The following TM4SF4 variants were observed in gnomAD, a reference collection of about 807,000 sequenced individuals.
The protein encoded by TM4SF4 is transmembrane 4 L six family member 4.
Under a neutral mutation model 24.1 loss-of-function variants are expected in TM4SF4, and 24 were observed. The observed-to-expected ratio is 1.00, with a 90% CI of 0.72 to 1.40. The LOEUF is 1.40. Ranked by LOEUF, TM4SF4 falls within the 40% of genes most tolerant of loss-of-function variation. TM4SF4 has a pLI of 0.00. For missense variants in TM4SF4, 254 were observed against 254.2 expected (o/e 1.00, Z 0.01); for synonymous variants, 113 against 97.0 (o/e 1.17, Z -0.97).
intron 2 of TM4SF4, among the ~76,000 whole-genome samples, chr3:149,481,835 C>T (rs1409255989): frequency 7.2e-5 from 11 of 152,206 alleles, no homozygotes; most frequent in Admixed American, 7.2e-4. Context: ...TTTCTTTAAC[C>T]ATGTGAGCAG....
chr3:149,489,234 C>A (rs1576520176), intron 3 of TM4SF4, among the ~76,000 whole-genome samples: 1 of 152,218 alleles, frequency 6.6e-6, no homozygotes, highest in African/African-American at 2.4e-5. Flanking sequence ...CCCCACAACC[C>A]GCCCCCATTG....
chr3:149,484,027 C>T (rs1340920022), intron 2 of TM4SF4, among the ~76,000 whole-genome samples: 1 of 152,074 alleles, frequency 6.6e-6, no homozygotes, highest in Non-Finnish European at 1.5e-5. Context: ...GTGATATGCC[C>T]ACCTCAGCCT....
intron 2 of TM4SF4, among the ~76,000 whole-genome samples, chr3:149,483,302 T>G (rs1734065908): frequency 6.6e-6 from 1 of 152,144 alleles, no homozygotes; most frequent in Non-Finnish European, 1.5e-5. Flanking sequence ...ACCAGCCATA[T>G]AAACTCTCAG....
At chr3:149,490,165 G>A (rs1043035227) in intron 3 of TM4SF4, among the ~76,000 whole-genome samples, 5 of 152,196 alleles carry the variant, frequency 3.3e-5, no homozygotes, top group African/African-American at 1.2e-4. Flanking sequence ...AGGGCATTCA[G>A]GGGATGGGCC....
chr3:149,502,478 G>A (rs894440246), intron 4 of TM4SF4, among the ~76,000 whole-genome samples, 198 bp from the exon 5 acceptor site: 1 of 152,122 alleles, frequency 6.6e-6, no homozygotes, highest in Non-Finnish European at 1.5e-5. Context: ...ACAAAATGAA[G>A]CTTCCATTCC....
At chr3:149,477,317 A>C (rs1339776345) in intron 2 of TM4SF4, among the ~76,000 whole-genome samples, 1 of 152,244 alleles carries the variant, frequency 6.6e-6, no homozygotes, top group Non-Finnish European at 1.5e-5. Flanking sequence ...TGAGGCAGAA[A>C]TGAAGCATAG....
chr3:149,485,871 C>T (rs1021719542), intron 2 of TM4SF4, among the ~76,000 whole-genome samples: 1 of 152,140 alleles, frequency 6.6e-6, no homozygotes, highest in African/African-American at 2.4e-5. Context: ...GAAATTTGTG[C>T]AATCTAGAGT....
At chr3:149,489,579 A>G (rs1373171411) in intron 3 of TM4SF4, among the ~76,000 whole-genome samples, 10 of 152,340 alleles carry the variant, frequency 6.6e-5, no homozygotes, top group African/African-American at 2.4e-4. Flanking sequence ...GATGGGATCA[A>G]TGCCCAAGAT....
intron 3 of TM4SF4, chr3:149,495,464 TG>T: frequency 2.3e-6 from 1 of 426,686 alleles, no homozygotes; most frequent in South Asian, 2.1e-5. Flanking sequence ...CCCAGCATGG[TG>T]GTCACCTTTG....
Position 149,502,866 on chromosome 3 carries a change from T to C in TM4SF4, c.*173T>C, listed in dbSNP as rs1734453909. The C allele has an allele frequency of 2.1e-6, 1 of 476,408 alleles. No individual in the cohort carries two copies. The highest frequency in any genetic ancestry group is 3.7e-6 in the Non-Finnish European group (1 of 267,598). 29.5% of individuals were successfully genotyped at this position (476,408 alleles called of 1,614,324 possible). On this transcript the variant is annotated 3_prime_UTR_variant, in exon 5 of 5. Transcript: ENST00000305354. ...CTTTGCTCGAGTTAGAATTTTGTTA[T>C]TTTCAAATAAAAAATAGTTTGGCCA...
intron 3 of TM4SF4, chr3:149,495,007 T>A: frequency 9.5e-6 from 2 of 211,380 alleles, no homozygotes; most frequent in South Asian, 1.8e-4. Flanking sequence ...TTGGTGTTGG[T>A]GAATCTGAAG....
chr3:149,485,703 A>T (rs771162714), intron 2 of TM4SF4, among the ~76,000 whole-genome samples: 1 of 152,196 alleles, frequency 6.6e-6, no homozygotes, highest in Non-Finnish European at 1.5e-5. Flanking sequence ...CTGAGGTGGG[A>T]GGATCACTTG....
chr3:149,486,369 T>G (rs941812257), intron 2 of TM4SF4, among the ~76,000 whole-genome samples: 10 of 152,220 alleles, frequency 6.6e-5, no homozygotes, highest in Admixed American at 4.6e-4. Context: ...AGCTGAGATA[T>G]GAGCCTGGGT....
At chr3:149,482,333 G>C (rs1734047411) in intron 2 of TM4SF4, among the ~76,000 whole-genome samples, 1 of 152,246 alleles carries the variant, frequency 6.6e-6, no homozygotes, top group Admixed American at 6.5e-5. Flanking sequence ...TATTCACTTA[G>C]ACCAGGTAGA....
At chr3:149,491,682 T>C (rs987060422) in intron 3 of TM4SF4, among the ~76,000 whole-genome samples, 1 of 152,152 alleles carries the variant, frequency 6.6e-6, no homozygotes, top group Non-Finnish European at 1.5e-5. Flanking sequence ...CCTATCAGCA[T>C]ATGGGTTAGG....
chr3:149,489,726 G>A (rs1391567382), intron 3 of TM4SF4, among the ~76,000 whole-genome samples: 2 of 152,176 alleles, frequency 1.3e-5, no homozygotes, highest in African/African-American at 4.8e-5. Context: ...CATTTATTGT[G>A]TATTGCTCTG....
chr3:149,483,919 T>C (rs1352940110), intron 2 of TM4SF4, among the ~76,000 whole-genome samples: 2 of 152,006 alleles, frequency 1.3e-5, no homozygotes, highest in African/African-American at 4.8e-5. Context: ...TAGCTGGGAC[T>C]ACAGGTGCAC....
At chr3:149,479,243 G>C (rs1244332264) in intron 2 of TM4SF4, among the ~76,000 whole-genome samples, 5 of 152,040 alleles carry the variant, frequency 3.3e-5, no homozygotes, top group Non-Finnish European at 5.9e-5. Context: ...ACTCAGTTAG[G>C]GTCCCTTCCC....
intron 2 of TM4SF4, among the ~76,000 whole-genome samples, chr3:149,477,467 G>T (rs1338242912): frequency 2.6e-5 from 4 of 152,168 alleles, no homozygotes; most frequent in South Asian, 2.1e-4. Flanking sequence ...AAAGGGAAAG[G>T]TGCATCTATC....
Sources: allele counts gnomAD v4.1 joint callset (sites outside exome capture counted in the v4.1 genomes callset), GRCh38; gene constraint gnomAD v4.1.1; transcripts MANE v1.5; gene names NCBI Gene and HGNC (gene_info 2026-07-23, HGNC 2026-07-21).